Variants in PLEKHA2 observed in about 807,000 individuals in gnomAD.
The protein encoded by PLEKHA2 is pleckstrin homology domain containing A2, also known as pleckstrin homology domain-containing family A member 2.
Under a neutral mutation model 53.2 loss-of-function variants are expected in PLEKHA2, and 28 were observed. The observed-to-expected ratio is 0.53, with a 90% CI of 0.39 to 0.72. The LOEUF (loss-of-function observed/expected upper bound fraction) is 0.72. Ranked by LOEUF, PLEKHA2 falls within the 30% of genes least tolerant of loss-of-function variation. PLEKHA2 has a pLI of 0.00. For missense variants in PLEKHA2, 426 were observed against 537.9 expected, an observed-to-expected ratio of 0.79 and a Z score of 2.06; for synonymous variants, 193 against 196.4, an observed-to-expected ratio of 0.98 and a Z score of 0.14.
At chr8:38,956,407 C>T (rs1470352503) in intron 9 of PLEKHA2, among the ~76,000 whole-genome samples, 1 of 152,150 alleles carries the variant, frequency 6.6e-6, no homozygotes, top group Non-Finnish European at 1.5e-5. Flanking sequence ...GGAGCAGGAG[C>T]TGAGTGAGGT....
At chr8:38,923,529 T>G (rs539166269) in intron 2 of PLEKHA2, among the ~76,000 whole-genome samples, 56 of 152,306 alleles carry the variant, frequency 3.7e-4, no homozygotes, top group Middle Eastern at 3.4e-3. Flanking sequence ...TTACGTGCCT[T>G]TTATCCTTTC....
chr8:38,960,579 A>G (rs1425141020), intron 10 of PLEKHA2, among the ~76,000 whole-genome samples: 2 of 152,344 alleles, frequency 1.3e-5, no homozygotes, highest in South Asian at 2.1e-4. Context: ...CAAGAATAGT[A>G]TTGTTTTTAC....
At chr8:38,933,645 CTT>C (rs1271753142) in intron 2 of PLEKHA2, among the ~76,000 whole-genome samples, 1 of 151,922 alleles carries the variant, frequency 6.6e-6, no homozygotes, top group Non-Finnish European at 1.5e-5. Flanking sequence ...AGCACGGTGT[CTT>C]TGCCCAGAGC....
intron 2 of PLEKHA2, among the ~76,000 whole-genome samples, chr8:38,921,289 G>A (rs1234002307): frequency 1.3e-5 from 2 of 152,166 alleles, no homozygotes; most frequent in East Asian, 3.8e-4. Flanking sequence ...CATTCGAATG[G>A]ATTTTTGTCT....
chr8:38,969,353 C>G (rs1835199043), intron 11 of PLEKHA2, 68 bp from the exon 12 acceptor site: 1 of 1,540,806 alleles, frequency 6.5e-7, no homozygotes, highest in Non-Finnish European at 8.7e-7. Context: ...CTTTCTGGGA[C>G]TCTGTGATAA....
intron 1 of PLEKHA2, among the ~76,000 whole-genome samples, chr8:38,917,401 T>C (rs1444771315): frequency 6.6e-6 from 1 of 152,226 alleles, no homozygotes; most frequent in Non-Finnish European, 1.5e-5. Flanking sequence ...AGATCATTTC[T>C]TCCATGTATA....
At position 38,970,184 on chromosome 8, in the gene PLEKHA2, T is replaced by C. The variant is rs1396436726; in HGVS notation, c.*401T>C. ...ATTTCCTTGTCCTTGTTTTAGTTTT[T>C]TCATTTTGTTTTCAGTCCAGGTGCC... On this transcript the variant is annotated 3_prime_UTR_variant, in exon 12 of 12. Coordinates refer to ENST00000617275, the MANE Select transcript of PLEKHA2 (RefSeq NM_021623.2). 1 of 436,356 alleles carries C rather than the reference T, an allele frequency of 2.3e-6. No individual in the cohort carries two copies. The highest frequency in any genetic ancestry group is 3.5e-5 in the East Asian group (1 of 28,326). 27.0% of individuals were successfully genotyped at this position (436,356 alleles called of 1,614,324 possible). A position where few individuals can be genotyped will look rare whatever the true frequency, so the allele number is the denominator to read the frequency against.
intron 3 of PLEKHA2, among the ~76,000 whole-genome samples, chr8:38,937,743 C>T (rs886611467): frequency 1.3e-5 from 2 of 152,214 alleles, no homozygotes; most frequent in Non-Finnish European, 2.9e-5. Flanking sequence ...GCCTGACTCC[C>T]TGCCAGAAAG....
At chr8:38,968,894 A>G in intron 11 of PLEKHA2, 1 of 409,410 alleles carries the variant, frequency 2.4e-6, no homozygotes, top group Non-Finnish European at 4.3e-6. Context: ...GAGAAATGGA[A>G]TTTCTTTTTT....
At chr8:38,917,862 G>A in intron 1 of PLEKHA2, 45 bp from the exon 2 acceptor site, 3 of 1,579,402 alleles carry the variant, frequency 1.9e-6, no homozygotes, top group Non-Finnish European at 2.6e-6. Context: ...CTGAGGCAGA[G>A]CTGCTTCATC....
chr8:38,928,389 A>C (rs1834326690), intron 2 of PLEKHA2, among the ~76,000 whole-genome samples: 1 of 151,764 alleles, frequency 6.6e-6, no homozygotes, highest in Non-Finnish European at 1.5e-5. Context: ...CCTGGGATTA[A>C]AGGTGTGCGC....
chr8:38,935,663 C>A (rs889146567), intron 2 of PLEKHA2, among the ~76,000 whole-genome samples: 5 of 152,186 alleles, frequency 3.3e-5, no homozygotes, highest in Admixed American at 1.3e-4. Flanking sequence ...AAGTGATCTT[C>A]CCACCTTGGC....
intron 2 of PLEKHA2, among the ~76,000 whole-genome samples, chr8:38,929,197 C>T (rs909482662): frequency 3.3e-5 from 5 of 152,290 alleles, no homozygotes; most frequent in African/African-American, 9.6e-5. Context: ...CCCCTCCCTC[C>T]GTCTCCTGCT....
At chr8:38,966,986 A>C (rs544642379) in intron 10 of PLEKHA2, among the ~76,000 whole-genome samples, 2 of 124,072 alleles carry the variant, frequency 1.6e-5, no homozygotes, top group East Asian at 2.3e-4. Flanking sequence ...CAATTATTTC[A>C]CACCCTATGT....
At chr8:38,964,276 T>C (rs539823330) in intron 10 of PLEKHA2, among the ~76,000 whole-genome samples, 2 of 152,154 alleles carry the variant, frequency 1.3e-5, no homozygotes, top group African/African-American at 4.8e-5. Flanking sequence ...CCCTAAGCTG[T>C]GGACTGGTAC....
At chr8:38,957,209 C>T (rs971709949) in intron 9 of PLEKHA2, 114 bp from the exon 10 acceptor site, 5 of 733,242 alleles carry the variant, frequency 6.8e-6, no homozygotes, top group African/African-American at 3.5e-5. Flanking sequence ...GGCTTGGAAC[C>T]ACCCCCCACC....
chr8:38,955,865 T>C (rs1467753839), intron 9 of PLEKHA2, among the ~76,000 whole-genome samples: 1 of 152,206 alleles, frequency 6.6e-6, no homozygotes, highest in Non-Finnish European at 1.5e-5. Context: ...TGTCCCCAGA[T>C]TGGAGTGCAA....
intron 5 of PLEKHA2, among the ~76,000 whole-genome samples, chr8:38,947,320 C>A (rs574089574): frequency 2.5e-4 from 38 of 152,058 alleles, no homozygotes; most frequent in Non-Finnish European, 5.0e-4. Flanking sequence ...CGTGGTGGCA[C>A]ACGCCTGTAG....
chr8:38,931,701 C>T (rs1204746443), intron 2 of PLEKHA2, among the ~76,000 whole-genome samples: 1 of 152,166 alleles, frequency 6.6e-6, no homozygotes, highest in Non-Finnish European at 1.5e-5. Context: ...ATATTGTTTT[C>T]ATTTAAAAAT....
Sources: gnomAD v4.1 joint callset for allele counts (sites outside exome capture counted in the v4.1 genomes callset) on GRCh38, gnomAD v4.1.1 for gene constraint, MANE v1.5 for transcripts, NCBI Gene and HGNC (gene_info 2026-07-23, HGNC 2026-07-21) for gene names.